Variants in DOCK4 observed in about 807,000 individuals in gnomAD.
DOCK4 encodes dedicator of cytokinesis protein 4.
Under a neutral mutation model 268.1 loss-of-function variants are expected in DOCK4, and 97 were observed. The ratio of observed to expected loss-of-function variants is 0.36; its 90% CI spans 0.31 to 0.43. The LOEUF (loss-of-function observed/expected upper bound fraction) is 0.43, where lower values mean the gene tolerates loss of function less well. Among genes scored for constraint, DOCK4 ranks in the 20% least tolerant of loss-of-function variants. The pLI is 1.00. For synonymous variants in DOCK4, 954 were observed against 887.2 expected (o/e 1.08, Z -1.34); for missense variants, 2,145 against 2,455.7 (o/e 0.87, Z 2.67).
intron 44 of DOCK4, among the ~76,000 whole-genome samples, chr7:111,743,965 A>G (rs909046501): frequency 1.7e-4 from 26 of 152,270 alleles, no homozygotes; most frequent in African/African-American, 6.3e-4. Flanking sequence ...GCCTACAGGC[A>G]TGCACCACCA....
At chr7:112,093,593 C>T (rs888994555) in intron 1 of DOCK4, among the ~76,000 whole-genome samples, 6 of 152,174 alleles carry the variant, frequency 3.9e-5, no homozygotes, top group Admixed American at 3.3e-4. Flanking sequence ...AGCTCATAGT[C>T]GGCAAAAGTA....
At chr7:111,863,655 T>C (rs1805741656) in intron 22 of DOCK4, 91 bp from the exon 23 acceptor site, 2 of 1,281,148 alleles carry the variant, frequency 1.6e-6, no homozygotes, top group Non-Finnish European at 1.1e-6. Flanking sequence ...CCGTGGCAAG[T>C]GTTTTTGAAT....
At chr7:111,789,905 GC>G (rs1799414336) in intron 31 of DOCK4, among the ~76,000 whole-genome samples, 2 of 152,134 alleles carry the variant, frequency 1.3e-5, no homozygotes, top group South Asian at 4.1e-4. Context: ...TTTGTAATAA[GC>G]CTGTTTTCCC....
intron 1 of DOCK4, among the ~76,000 whole-genome samples, chr7:112,166,685 C>G (rs2116557280): frequency 6.6e-6 from 1 of 152,222 alleles, no homozygotes; most frequent in East Asian, 1.9e-4. Flanking sequence ...AAGGGCCTGA[C>G]CTCGTTGGGC....
At chr7:111,845,772 G>A (rs757889709) in intron 24 of DOCK4, among the ~76,000 whole-genome samples, 8 of 152,168 alleles carry the variant, frequency 5.3e-5, no homozygotes, top group East Asian at 3.8e-4. Flanking sequence ...AGAAGTTGTG[G>A]AGGTGATTTC....
chr7:112,112,666 G>C (rs1415421759), intron 1 of DOCK4, among the ~76,000 whole-genome samples: 1 of 151,808 alleles, frequency 6.6e-6, no homozygotes, highest in African/African-American at 2.4e-5. Flanking sequence ...AAAAGAAGAT[G>C]CTGGAACCAT....
Position 111,795,654 on chromosome 7 carries a change from G to A in DOCK4, c.3167-5049C>T, listed in dbSNP as rs549882724. 9.4e-4 allele frequency among the ~76,000 whole-genome samples: 143 copies of A among 152,194 alleles called. 1 individual carries two copies. The Middle Eastern group carries it at 0.021, about 22-fold the overall frequency. ...ACATGACTTTGGTGTTTTGATCTTC[G>A]ACTTTGTCACATGTAATTAGTGGAG... On this transcript the variant is annotated intron_variant, in intron 30 of 52. Coordinates refer to ENST00000428084, the MANE Select transcript of DOCK4 (RefSeq NM_001363540.2).
intron 1 of DOCK4, among the ~76,000 whole-genome samples, chr7:112,090,266 CTG>C (rs1399527658): frequency 3.3e-5 from 5 of 152,130 alleles, no homozygotes; most frequent in African/African-American, 1.2e-4. Flanking sequence ...AATCTGAACT[CTG>C]TCAGCTAAAT....
At chr7:111,835,554 A>G (rs1803172359) in intron 25 of DOCK4, among the ~76,000 whole-genome samples, 1 of 152,248 alleles carries the variant, frequency 6.6e-6, no homozygotes, top group African/African-American at 2.4e-5. Flanking sequence ...TTGCATTTTC[A>G]ATGCAACCTT....
intron 30 of DOCK4, among the ~76,000 whole-genome samples, chr7:111,802,225 C>T (rs989312911): frequency 6.6e-6 from 1 of 152,046 alleles, no homozygotes; most frequent in African/African-American, 2.4e-5. Context: ...AACAGCTCAC[C>T]AAGATGTCCT....
At chr7:111,800,839 G>A (rs763220231) in intron 30 of DOCK4, among the ~76,000 whole-genome samples, 4 of 152,004 alleles carry the variant, frequency 2.6e-5, no homozygotes, top group East Asian at 1.9e-4. Flanking sequence ...AGAAAGAATC[G>A]TCATCCAACA....
intron 34 of DOCK4, 39 bp from the exon 35 acceptor site, chr7:111,782,963 T>G: frequency 1.3e-6 from 2 of 1,549,930 alleles, no homozygotes; most frequent in South Asian, 1.1e-5. Context: ...CAGAACTTCC[T>G]TCCTAGGGGC....
intron 39 of DOCK4, among the ~76,000 whole-genome samples, chr7:111,764,066 C>A (rs974564973): frequency 6.6e-6 from 1 of 152,128 alleles, no homozygotes; most frequent in South Asian, 2.1e-4. Flanking sequence ...TGTGACCGCC[C>A]ACTACACTGT....
intron 1 of DOCK4, among the ~76,000 whole-genome samples, chr7:112,138,491 A>C (rs920623786): frequency 3.3e-5 from 5 of 152,204 alleles, no homozygotes; most frequent in African/African-American, 1.2e-4. Context: ...TTGCAGAAGA[A>C]ATTTTTACAA....
intron 1 of DOCK4, among the ~76,000 whole-genome samples, chr7:112,046,395 G>C (rs1489123009): frequency 2.0e-5 from 3 of 152,046 alleles, no homozygotes; most frequent in African/African-American, 7.2e-5. Flanking sequence ...AAAAGATACA[G>C]GTCAGTAATA....
In DOCK4 at chr7:111,908,184, C is replaced by A. The variant is rs905763973; in HGVS notation, c.1193-6383G>T. On this transcript the variant is annotated intron_variant, in intron 13 of 52. Coordinates refer to ENST00000428084, the MANE Select transcript of DOCK4 (RefSeq NM_001363540.2). ...TTTATATTGGCCGGGTGTGGTGGCT[C>A]ACACCTGTAATCCCAGCACTTTGGG... 2.6e-5 allele frequency among the ~76,000 whole-genome samples: 4 copies of A among 152,088 alleles called. No individual in the cohort carries two copies. In the East Asian group the frequency reaches 7.7e-4, roughly 29 times the overall value.
intron 22 of DOCK4, among the ~76,000 whole-genome samples, chr7:111,865,440 A>G (rs1188749678): frequency 6.6e-6 from 1 of 152,218 alleles, no homozygotes; most frequent in African/African-American, 2.4e-5. Context: ...TGTAGCCCAC[A>G]TGGAAAAAAT....
chr7:111,791,588 A>G (rs1799553975), intron 30 of DOCK4, among the ~76,000 whole-genome samples: 1 of 151,824 alleles, frequency 6.6e-6, no homozygotes, highest in South Asian at 2.1e-4. Flanking sequence ...GCTGGGATTT[A>G]CAGGCACATG....
At chr7:112,006,485 G>A (rs962993246) in intron 1 of DOCK4, among the ~76,000 whole-genome samples, 5 of 152,204 alleles carry the variant, frequency 3.3e-5, no homozygotes, top group African/African-American at 1.2e-4. Flanking sequence ...CCATAACCAT[G>A]TATTATCTCA....
Sources: allele counts gnomAD v4.1 joint callset (sites outside exome capture counted in the v4.1 genomes callset), GRCh38; gene constraint gnomAD v4.1.1; transcripts MANE v1.5; gene names NCBI Gene and HGNC (gene_info 2026-07-23, HGNC 2026-07-21).